The following PRKG2 variants were observed in gnomAD, a reference collection of about 807,000 sequenced individuals.
PRKG2 encodes cGMP-dependent protein kinase 2.
PRKG2 carries 33 observed loss-of-function variants against 97.2 expected under a neutral mutation model. That is an observed-to-expected ratio of 0.34 (90% CI 0.26 to 0.45). PRKG2 has a LOEUF of 0.45. PRKG2 is among the 20% of genes least tolerant of loss of function. PRKG2 has a pLI of 1.00. For missense variants in PRKG2, 638 were observed against 900.0 expected, an observed-to-expected ratio of 0.71 and a Z score of 3.73; for synonymous variants, 330 against 321.8, an observed-to-expected ratio of 1.03 and a Z score of -0.27.
chr4:81,099,663 T>A (rs1742509563), intron 17 of PRKG2, among the ~76,000 whole-genome samples: 1 of 152,134 alleles, frequency 6.6e-6, no homozygotes. Context: ...AAGACAGGGA[T>A]GCCCTCTCTC....
intron 6 of PRKG2, among the ~76,000 whole-genome samples, chr4:81,154,869 G>GA (rs1480279674): frequency 1.3e-5 from 2 of 152,040 alleles, no homozygotes; most frequent in African/African-American, 2.4e-5. Flanking sequence ...TGAAAACTTT[G>GA]AAAAAAATTT....
At chr4:81,099,906 T>C (rs901888598) in intron 17 of PRKG2, among the ~76,000 whole-genome samples, 1 of 152,046 alleles carries the variant, frequency 6.6e-6, no homozygotes, top group African/African-American at 2.4e-5. Context: ...ACAAGCATTC[T>C]TAAACACCAA....
rs530975364 is a variant in PRKG2 at position 81,185,959 on chromosome 4, G to A, written c.462-11000C>T. On this transcript the variant is annotated intron_variant, in intron 2 of 18. Transcript: ENST00000264399. ...ACATATGCACCCAATAAAGGAGCAC[G>A]CAGATCAATAAAGCAAGTTATTAGA... Among the ~76,000 whole-genome samples the A allele has an allele frequency of 1.1e-4, 17 of 152,216 alleles. No individual in the cohort carries two copies. In the East Asian group the frequency reaches 2.1e-3, roughly 19 times the overall value.
chr4:81,124,456 A>T (rs1367319108), intron 14 of PRKG2, among the ~76,000 whole-genome samples: 1 of 152,222 alleles, frequency 6.6e-6, no homozygotes, highest in Non-Finnish European at 1.5e-5. Context: ...TGTAGCCAAC[A>T]GAATACACTG....
intron 14 of PRKG2, among the ~76,000 whole-genome samples, chr4:81,118,323 CAGA>C: frequency 6.6e-6 from 1 of 152,316 alleles, no homozygotes; most frequent in African/African-American, 2.4e-5. Context: ...TTTGTGTAAA[CAGA>C]AGTTTTCAAC....
intron 2 of PRKG2, among the ~76,000 whole-genome samples, chr4:81,186,010 A>G (rs1361000718): frequency 6.6e-6 from 1 of 152,324 alleles, no homozygotes; most frequent in East Asian, 1.9e-4. Flanking sequence ...TTAGCCTCCC[A>G]CACAATAGTA....
intron 16 of PRKG2, 53 bp downstream of exon 16, chr4:81,105,760 C>A: frequency 6.3e-7 from 1 of 1,584,222 alleles, no homozygotes; most frequent in Non-Finnish European, 8.6e-7. Context: ...GAAACAGAAA[C>A]CGAAGCCTTT....
chr4:81,174,717 G>A, intron 3 of PRKG2, 76 bp downstream of exon 3: 1 of 1,403,814 alleles, frequency 7.1e-7, no homozygotes, highest in Non-Finnish European at 9.7e-7. Context: ...CCAGTTTTAT[G>A]TTTTTATAAA....
At chr4:81,133,848 A>AT (rs11411552) in intron 14 of PRKG2, among the ~76,000 whole-genome samples, 8,725 of 144,690 alleles carry the variant, frequency 0.06, 896 homozygotes, top group African/African-American at 0.21. Context: ...ATATATAGCT[A>AT]TTTTTTTTTA....
At chr4:81,148,809 T>C in intron 9 of PRKG2, 75 bp downstream of exon 9, 2 of 1,242,306 alleles carry the variant, frequency 1.6e-6, no homozygotes, top group Non-Finnish European at 2.4e-6. Context: ...AGAAAACAGA[T>C]CGGCCTTGAA....
chr4:81,189,252 G>T (rs111450879), intron 2 of PRKG2, among the ~76,000 whole-genome samples: 25,400 of 125,740 alleles, frequency 0.2, 6,622 homozygotes, highest in African/African-American at 0.52. Context: ...TTAAAATGTC[G>T]TTTCTGTATG....
chr4:81,088,190 A>T lies in PRKG2; in HGVS notation c.*1518T>A, dbSNP rs905132084. ...CAGCAAAAGGATTATAAATGTGGAA[A>T]TCTAATTTGTTAAGGATGCACCTTT... On this transcript the variant is annotated 3_prime_UTR_variant, in exon 19 of 19. Transcript: ENST00000264399. 6.6e-6 allele frequency: 1 copy of T among 152,164 alleles called. No individual in the cohort carries two copies. The highest frequency in any genetic ancestry group is 1.5e-5 in the Non-Finnish European group (1 of 68,006). 9.4% of individuals were successfully genotyped at this position (152,164 alleles called of 1,614,324 possible).
intron 6 of PRKG2, chr4:81,154,001 G>C: frequency 4.0e-6 from 1 of 248,068 alleles, no homozygotes; most frequent in Admixed American, 5.1e-5. Flanking sequence ...AAAGAAAGGG[G>C]TGATGGACAG....
intron 2 of PRKG2, among the ~76,000 whole-genome samples, chr4:81,196,835 T>C (rs533472865): frequency 4.0e-4 from 55 of 138,402 alleles, no homozygotes; most frequent in African/African-American, 1.7e-3. Flanking sequence ...CAAATACCTC[T>C]AGGGAGAGTC....
At chr4:81,190,666 G>C (rs1479880608) in intron 2 of PRKG2, among the ~76,000 whole-genome samples, 1 of 152,120 alleles carries the variant, frequency 6.6e-6, no homozygotes, top group African/African-American at 2.4e-5. Context: ...CAGAATGGGA[G>C]AAAAAGTTTG....
chr4:81,104,348 G>A, intron 17 of PRKG2, 22 bp downstream of exon 17: 1 of 1,487,822 alleles, frequency 6.7e-7, no homozygotes, highest in Non-Finnish European at 9.1e-7. Context: ...ATATTTTTCT[G>A]GGCAAAGAAA....
intron 6 of PRKG2, among the ~76,000 whole-genome samples, chr4:81,160,088 A>T (rs966111217): frequency 1.7e-4 from 26 of 152,236 alleles, no homozygotes; most frequent in African/African-American, 6.0e-4. Flanking sequence ...GTGCACATGT[A>T]CCCTAAAACT....
intron 10 of PRKG2, 32 bp downstream of exon 10, chr4:81,144,200 G>A (rs768506466): frequency 1.9e-6 from 3 of 1,557,092 alleles, no homozygotes; most frequent in South Asian, 1.1e-5. Flanking sequence ...CCAGAAGTCA[G>A]CTCCGGCTCA....
intron 5 of PRKG2, 80 bp from the exon 6 acceptor site, chr4:81,167,304 T>C: frequency 2.3e-6 from 2 of 882,570 alleles, no homozygotes; most frequent in Non-Finnish European, 3.4e-6. Context: ...CTAAAATCTT[T>C]ACATACATTT....
Sources: allele counts gnomAD v4.1 joint callset (sites outside exome capture counted in the v4.1 genomes callset), GRCh38; gene constraint gnomAD v4.1.1; transcripts MANE v1.5; gene names NCBI Gene and HGNC (gene_info 2026-07-23, HGNC 2026-07-21).